Variants in NLRP1 observed in about 807,000 individuals in gnomAD.
NLRP1 encodes NLR family pyrin domain containing 1, also known as NACHT, LRR and PYD domains-containing protein 1.
NLRP1 carries 94 observed loss-of-function variants against 136.7 expected under a neutral mutation model. The ratio of observed to expected loss-of-function variants is 0.69; its 90% CI spans 0.58 to 0.82. NLRP1 has a LOEUF of 0.82. Among genes scored for constraint, NLRP1 ranks in the 40% least tolerant of loss-of-function variants. The probability of loss-of-function intolerance (pLI) is 0.00; values close to 1 mark genes in which losing one functional copy is unlikely to be tolerated. For missense variants in NLRP1, 1,575 were observed against 1,802.7 expected, an observed-to-expected ratio of 0.87 and a Z score of 2.29; for synonymous variants, 690 against 725.1, an observed-to-expected ratio of 0.95 and a Z score of 0.78.
chr17:5,539,295 A>C, intron 7 of NLRP1, 120 bp downstream of exon 7: 2 of 859,824 alleles, frequency 2.3e-6, no homozygotes, highest in Non-Finnish European at 3.5e-6. Context: ...ACACAGTGTA[A>C]GTGGTAGAGC....
At chr17:5,512,433 C>T (rs1317424200), downstream of NLRP1, 19 of 811,846 alleles carry the variant, frequency 2.3e-5, no homozygotes, top group Middle Eastern at 2.4e-4. Context: ...CAGGGCAATC[C>T]GCAATTCCAC....
intron 3 of NLRP1, among the ~76,000 whole-genome samples, chr17:5,577,749 G>GA (rs1798473547): frequency 6.6e-6 from 1 of 152,002 alleles, no homozygotes. Context: ...CACAGAATTG[G>GA]AAAAAACGAC....
rs199476216 is a variant in NLRP1 at position 5,520,760 on chromosome 17, C to G, written c.3915+121G>C. 1 of 928,256 alleles carries G rather than the reference C, an allele frequency of 1.1e-6. No homozygotes were observed. The highest frequency in any genetic ancestry group is 2.8e-5 in the East Asian group (1 of 35,994). 57.5% of individuals were successfully genotyped at this position (928,256 alleles called of 1,614,324 possible). On this transcript the variant is annotated intron_variant, in intron 14 of 16. Transcript: ENST00000572272. Reference sequence around the variant, plus strand: ...ATTCCCACTTTCTCTAAATCCCACTCACTTTCTGTTCAACCTCGATTTATC... The same window carrying G: ...ATTCCCACTTTCTCTAAATCCCACTGACTTTCTGTTCAACCTCGATTTATC...
rs994746394 is a variant in NLRP1, at chr17:5,536,733, G to T, written c.2960+118C>A. ...CTGACAAGTGCACCTCACTCTGGCT[G>T]CTGTGGTGTCTGGGTTTCTCCCTGG... On this transcript the variant is annotated intron_variant, in intron 8 of 16. Coordinates refer to ENST00000572272, the MANE Select transcript of NLRP1 (RefSeq NM_033004.4). 5.9e-6 allele frequency: 4 copies of T among 674,428 alleles called. No homozygotes were observed. The African/African-American group carries it at 7.1e-5, about 12-fold the overall frequency. The allele number at this position is 674,428 out of a possible 1,614,324, so 41.8% of individuals were successfully genotyped here. A position where few individuals can be genotyped will look rare whatever the true frequency, so the allele number is the denominator to read the frequency against.
Position 5,541,301 on chromosome 17 carries a change from C to T in NLRP1, c.2699+556G>A, listed in dbSNP as rs1234052276. On this transcript the variant is annotated intron_variant, in intron 6 of 16. Coordinates refer to ENST00000572272, the MANE Select transcript of NLRP1 (RefSeq NM_033004.4). This position sits in a 1 kb window ranked among gnomAD's most constrained non-coding sequence, Gnocchi z 4.2. ...CCTCAAGTGATCTGCCTGCCTCGAC[C>T]TCCCAAAGTGCTGGGATGACAGGCA... Among the ~76,000 whole-genome samples the T allele has an allele frequency of 6.6e-6, 1 of 152,144 alleles. No individual in the cohort carries two copies. Among genetic ancestry groups the T allele is most frequent in the Non-Finnish European group, 1.5e-5 (1 of 68,014 alleles).
intron 12 of NLRP1, among the ~76,000 whole-genome samples, chr17:5,524,215 G>A (rs1031446712): frequency 6.6e-6 from 1 of 152,186 alleles, no homozygotes; most frequent in Admixed American, 6.5e-5. Context: ...AGCATGGGAC[G>A]CCTGCATTAC....
chr17:5,505,950 G>A (rs1156952606), intron 15 of NLRP1: 1 of 152,098 alleles, frequency 6.6e-6, no homozygotes, highest in African/African-American at 2.4e-5. Context: ...GGTTACTTTT[G>A]TTCTGTCCTC....
At chr17:5,566,364 C>A (rs1915332841) in intron 3 of NLRP1, among the ~76,000 whole-genome samples, 1 of 151,938 alleles carries the variant, frequency 6.6e-6, no homozygotes, top group Non-Finnish European at 1.5e-5. Context: ...TTTCCATGAT[C>A]ATTTGTTTCA....
rs1906034925 is a variant in NLRP1 at position 5,584,209 on chromosome 17, C to T, written c.-252G>A. On this transcript the variant is annotated 5_prime_UTR_variant, in exon 1 of 17. Transcript: ENST00000572272. ...GAAGAAGTCAGCTGATAGGGAGGTC[C>T]TGGGATGGGGTCCAGGGCCAGGCAG... The T allele has an allele frequency of 1.9e-6, 1 of 528,258 alleles. No homozygotes were observed. Among genetic ancestry groups the T allele is most frequent in the Non-Finnish European group, 3.4e-6 (1 of 294,132 alleles). 32.7% of individuals were successfully genotyped at this position (528,258 alleles called of 1,614,324 possible).
intron 3 of NLRP1, among the ~76,000 whole-genome samples, chr17:5,566,053 A>T (rs1287664802): frequency 1.3e-5 from 2 of 151,934 alleles, no homozygotes; most frequent in Non-Finnish European, 2.9e-5. Context: ...GATTTTATTT[A>T]TTTAGATCTT....
At position 5,514,525 on chromosome 17, in the gene NLRP1, C is replaced by T. The variant is rs1380510798; in HGVS notation, c.*229G>A. 9.3e-6 allele frequency: 13 copies of T among 1,400,436 alleles called. No homozygotes were observed. The highest frequency in any genetic ancestry group is 1.2e-5 in the Non-Finnish European group (13 of 1,078,736). 86.8% of individuals were successfully genotyped at this position (1,400,436 alleles called of 1,614,324 possible). On this transcript the variant is annotated 3_prime_UTR_variant, in exon 17 of 17. Transcript: ENST00000572272. ...TCTATGAGGTCTGCAGGGGTCTTGCCAGCTCCAGATGGACATTCCCTGAGA... is the reference window on the plus strand; with the variant it reads ...TCTATGAGGTCTGCAGGGGTCTTGCTAGCTCCAGATGGACATTCCCTGAGA...
At chr17:5,570,354 AC>A (rs1326177624) in intron 3 of NLRP1, among the ~76,000 whole-genome samples, 1 of 146,074 alleles carries the variant, frequency 6.8e-6, no homozygotes, top group African/African-American at 2.5e-5. Context: ...AGATCGATAG[AC>A]CACTAGCTAG....
At position 5,541,863 on chromosome 17, in the gene NLRP1, C is replaced by T. The variant is rs149831544; in HGVS notation, c.2693G>A (p.Arg898Gln). Residue 898 changes from arginine (R) to glutamine (Q), a missense_variant, in exon 6 of 17, where the codon CGA becomes CAA. By Grantham distance (43) the Arg-to-Gln change is conservative (BLOSUM62 1). Transcript: ENST00000572272. This position sits in a 1 kb window ranked among gnomAD's most constrained non-coding sequence, Gnocchi z 4.2. ...RLRQPSCKLQ[R>Q]LQLVSCGLTS... ...GCCCACCAAGAACAATTACTGCAGT[C>T]GCTGTAGCTTGCAGCTCGGCTGTCT... 167 of 1,613,960 alleles carry T rather than the reference C, an allele frequency of 1.0e-4. No individual in the cohort carries two copies. The African/African-American group carries it at 1.1e-3, about 11-fold the overall frequency.
At chr17:5,575,271 C>T (rs1319731426) in intron 3 of NLRP1, among the ~76,000 whole-genome samples, 1 of 152,126 alleles carries the variant, frequency 6.6e-6, no homozygotes, top group Non-Finnish European at 1.5e-5. Flanking sequence ...TCACACATAA[C>T]AATATTAACC....
At chr17:5,544,348 C>T (rs1281220933) in intron 5 of NLRP1, among the ~76,000 whole-genome samples, 2 of 152,194 alleles carry the variant, frequency 1.3e-5, no homozygotes, top group Admixed American at 6.5e-5. Context: ...ATCTCCCCCA[C>T]CACTGATCTA....
At chr17:5,579,125 G>A (rs138445811) in intron 3 of NLRP1, among the ~76,000 whole-genome samples, 2,538 of 152,134 alleles carry the variant, frequency 0.017, 60 homozygotes, top group African/African-American at 0.058. Flanking sequence ...GTTGGAGGAG[G>A]GGGGAGGGAT....
chr17:5,533,878 C>G lies in NLRP1; in HGVS notation c.3052+19G>C. 1 of 1,549,236 alleles carries G rather than the reference C, an allele frequency of 6.5e-7. No homozygotes were observed. The highest frequency in any genetic ancestry group is 1.7e-5 in the Admixed American group (1 of 59,220). On this transcript the variant is annotated intron_variant, in intron 9 of 16. Coordinates refer to ENST00000572272, the MANE Select transcript of NLRP1 (RefSeq NM_033004.4). ...CCAACCCCTGTCACGATGCTCCCAG[C>G]CTTGCCCCTTCAAACTACCTGATCC... is the stretch of plus-strand genomic sequence containing the variant.
At chr17:5,574,539 G>A (rs1343075905) in intron 3 of NLRP1, among the ~76,000 whole-genome samples, 1 of 152,064 alleles carries the variant, frequency 6.6e-6, no homozygotes, top group African/African-American at 2.4e-5. Flanking sequence ...AGGAAAAAAT[G>A]TTAAGGGCAG....
intron 15 of NLRP1, among the ~76,000 whole-genome samples, chr17:5,508,723 T>C (rs1907481142): frequency 6.6e-6 from 1 of 152,198 alleles, no homozygotes; most frequent in South Asian, 2.1e-4. Context: ...TGAGGGATGC[T>C]TGTGATGATC....
Sources: allele counts gnomAD v4.1 joint callset (sites outside exome capture counted in the v4.1 genomes callset), GRCh38; gene constraint gnomAD v4.1.1; non-coding constraint Gnocchi (gnomAD v3.1); transcripts MANE v1.5; gene names NCBI Gene and HGNC (gene_info 2026-07-23, HGNC 2026-07-21).